POU2F1: variants seen among roughly 807,000 people sequenced by gnomAD.
POU2F1 encodes POU domain, class 2, transcription factor 1.
Under a neutral mutation model 84.9 loss-of-function variants are expected in POU2F1, and 16 were observed. That is an observed-to-expected ratio of 0.19 (90% CI 0.13 to 0.29). POU2F1 has a LOEUF of 0.29. Ranked by LOEUF, POU2F1 falls within the 10% of genes least tolerant of loss-of-function variation. POU2F1 has a pLI of 1.00. For missense variants in POU2F1, 738 were observed against 942.6 expected (o/e 0.78, Z 2.84); for synonymous variants, 368 against 368.3 (o/e 1.00, Z 0.01).
At chr1:167,378,574 T>A (rs1243157009) in intron 7 of POU2F1, among the ~76,000 whole-genome samples, 2 of 151,774 alleles carry the variant, frequency 1.3e-5, no homozygotes, top group African/African-American at 4.8e-5. Context: ...GCTGGGCTAA[T>A]TTTTGGTTTT....
intron 7 of POU2F1, among the ~76,000 whole-genome samples, chr1:167,381,228 G>A (rs890267241): frequency 9.2e-5 from 14 of 152,024 alleles, no homozygotes; most frequent in African/African-American, 2.7e-4. Context: ...GACTACAGGC[G>A]CATGCCACCA....
chr1:167,421,900 G>A lies in POU2F1; in HGVS notation c.*6090G>A, dbSNP rs912037349. The A allele has an allele frequency of 6.7e-6, 1 of 149,114 alleles. No homozygotes were observed. The highest frequency in any genetic ancestry group is 2.4e-5 in the African/African-American group (1 of 40,894). The allele number at this position is 149,114 out of a possible 1,614,324, so 9.2% of individuals were successfully genotyped here. On this transcript the variant is annotated 3_prime_UTR_variant, in exon 16 of 16. Coordinates refer to ENST00000367866, the MANE Select transcript of POU2F1 (RefSeq NM_002697.4). The stretch of plus-strand genomic sequence containing the variant: ...CCTGTTTATAGGTTACAATTTATAG[G>A]GTTAGGGAGGGTTGGGTGGGGGAAG...
intron 1 of POU2F1, chr1:167,303,419 A>G (rs1386126891): frequency 6.5e-6 from 1 of 154,310 alleles, no homozygotes; most frequent in Non-Finnish European, 1.5e-5. Context: ...TTTAAGTGTT[A>G]GGTTATTTTA....
At chr1:167,388,214 A>C (rs979114219) in intron 8 of POU2F1, among the ~76,000 whole-genome samples, 1 of 152,220 alleles carries the variant, frequency 6.6e-6, no homozygotes, top group African/African-American at 2.4e-5. Context: ...TACAGATAAT[A>C]ATTGACACAT....
intron 1 of POU2F1, among the ~76,000 whole-genome samples, chr1:167,292,854 C>T (rs1242390893): frequency 2.6e-5 from 4 of 152,042 alleles, no homozygotes; most frequent in African/African-American, 9.7e-5. Context: ...ATTTAACATA[C>T]ACAAGTCAAT....
intron 1 of POU2F1, among the ~76,000 whole-genome samples, chr1:167,284,557 A>C (rs974609634): frequency 2.0e-5 from 3 of 152,186 alleles, no homozygotes; most frequent in African/African-American, 4.8e-5. Flanking sequence ...TACTGTATTC[A>C]CTTTGCCTTT....
intron 13 of POU2F1, among the ~76,000 whole-genome samples, chr1:167,408,945 C>A (rs1368630350): frequency 6.6e-6 from 1 of 152,232 alleles, no homozygotes; most frequent in Non-Finnish European, 1.5e-5. Context: ...CATTCTGACA[C>A]AATTCCAGTT....
rs963492533 is a variant in POU2F1, at chr1:167,224,845, T to C, written c.61+3887T>C. ...GTCTTCTTTTTTTTTTTTTTTTTTT[T>C]CCAGACAGAGTCTTGCTCTGTCTCC... On this transcript the variant is annotated intron_variant, in intron 1 of 15. Coordinates refer to ENST00000367866, the MANE Select transcript of POU2F1 (RefSeq NM_002697.4). 2.7e-4 allele frequency among the ~76,000 whole-genome samples: 41 copies of C among 150,378 alleles called. No individual in the cohort carries two copies. The East Asian group carries it at 3.5e-3, about 13-fold the overall frequency.
At position 167,364,870 on chromosome 1, in the gene POU2F1, C is replaced by T. The variant is rs76263137; in HGVS notation, c.128-597C>T. Among the ~76,000 whole-genome samples, 580 of 152,162 alleles carry T rather than the reference C, an allele frequency of 3.8e-3. 3 individuals carry two copies. The highest frequency in any genetic ancestry group is 0.013 in the African/African-American group (558 of 41,536). On this transcript the variant is annotated intron_variant, in intron 2 of 15. Transcript: ENST00000367866. Reference sequence around the variant, plus strand: ...AGGCATAAGCCATTACACCCAGCCTCGCATAACATTTTGAAAAATATAATT... The same window carrying T: ...AGGCATAAGCCATTACACCCAGCCTTGCATAACATTTTGAAAAATATAATT...
At chr1:167,391,348 G>A (rs575410814) in intron 9 of POU2F1, among the ~76,000 whole-genome samples, 2 of 152,140 alleles carry the variant, frequency 1.3e-5, no homozygotes, top group Non-Finnish European at 2.9e-5. Flanking sequence ...TAGACTGGGT[G>A]CCTTTATGGA....
intron 1 of POU2F1, among the ~76,000 whole-genome samples, chr1:167,319,727 T>C (rs1656175557): frequency 6.6e-6 from 1 of 151,404 alleles, no homozygotes; most frequent in Non-Finnish European, 1.5e-5. Context: ...CCAGACAAAG[T>C]GAGAAAATGT....
At chr1:167,248,963 A>G (rs890883956) in intron 1 of POU2F1, among the ~76,000 whole-genome samples, 2 of 152,246 alleles carry the variant, frequency 1.3e-5, no homozygotes, top group East Asian at 1.9e-4. Flanking sequence ...TAGAAGAACT[A>G]GGATTTAAAC....
At chr1:167,407,180 G>A (rs1195293710) in intron 13 of POU2F1, among the ~76,000 whole-genome samples, 2 of 151,890 alleles carry the variant, frequency 1.3e-5, no homozygotes, top group Non-Finnish European at 2.9e-5. Context: ...ATAGCCACAT[G>A]CCACCCGCCC....
intron 13 of POU2F1, among the ~76,000 whole-genome samples, chr1:167,411,035 T>C (rs1649922962): frequency 1.3e-5 from 2 of 151,184 alleles, no homozygotes; most frequent in Non-Finnish European, 2.9e-5. Context: ...ACCTCACAAA[T>C]AATTTCTTTT....
chr1:167,226,989 A>G (rs529473107), intron 1 of POU2F1, among the ~76,000 whole-genome samples: 59 of 152,132 alleles, frequency 3.9e-4, no homozygotes, highest in African/African-American at 1.0e-3. Flanking sequence ...GGGTCTTGCT[A>G]TGTTGCCTAG....
At chr1:167,334,217 A>G (rs868063232) in intron 2 of POU2F1, among the ~76,000 whole-genome samples, 1 of 130,714 alleles carries the variant, frequency 7.7e-6, no homozygotes, top group African/African-American at 3.0e-5. Flanking sequence ...CGGGAGTGCA[A>G]TGGTGCGACC....
At chr1:167,406,084 C>G (rs952302406) in intron 13 of POU2F1, among the ~76,000 whole-genome samples, 1 of 152,202 alleles carries the variant, frequency 6.6e-6, no homozygotes, top group East Asian at 1.9e-4. Flanking sequence ...ATTACAAACT[C>G]ATATTCCTCG....
At chr1:167,358,716 CTTTTTTTTTT>C (rs1197814755) in intron 2 of POU2F1, among the ~76,000 whole-genome samples, 1 of 38,350 alleles carries the variant, frequency 2.6e-5, no homozygotes, top group Non-Finnish European at 6.1e-5. Flanking sequence ...TTATCTGCAG[CTTTTTTTTTT>C]TTTTTTTTTT....
At chr1:167,399,092 C>T (rs1649013563) in intron 11 of POU2F1, 94 bp from the exon 12 acceptor site, 6 of 1,276,224 alleles carry the variant, frequency 4.7e-6, no homozygotes, top group Admixed American at 4.5e-5. Context: ...CATATGTATC[C>T]CAGCTTCATT....
Sources: gnomAD v4.1 joint callset for allele counts (sites outside exome capture counted in the v4.1 genomes callset) on GRCh38, gnomAD v4.1.1 for gene constraint, MANE v1.5 for transcripts, NCBI Gene and HGNC (gene_info 2026-07-23, HGNC 2026-07-21) for gene names.